RNF38: variants seen among roughly 807,000 people sequenced by gnomAD.
RNF38 encodes the protein ring finger protein 38.
Under a neutral mutation model 67.2 loss-of-function variants are expected in RNF38, and 15 were observed. That is an observed-to-expected ratio of 0.22 (90% confidence interval 0.15 to 0.34). RNF38 has a LOEUF of 0.34. RNF38 is among the 10% of genes least tolerant of loss of function. The pLI is 1.00. For synonymous variants in RNF38, 220 were observed against 218.8 expected, an observed-to-expected ratio of 1.01 and a Z score of -0.05; for missense variants, 524 against 639.9, an observed-to-expected ratio of 0.82 and a Z score of 1.95.
intron 2 of RNF38, among the ~76,000 whole-genome samples, chr9:36,387,639 G>A (rs754757703): frequency 5.9e-5 from 9 of 152,108 alleles, no homozygotes; most frequent in African/African-American, 1.2e-4. Flanking sequence ...TAAATTTTAT[G>A]TTAAGTATAC....
At chr9:36,451,028 A>T (rs1839425228) in intron 1 of RNF38, among the ~76,000 whole-genome samples, 1 of 152,258 alleles carries the variant, frequency 6.6e-6, no homozygotes, top group Non-Finnish European at 1.5e-5. Flanking sequence ...CTTAAATACG[A>T]CTGAACCTCT....
At chr9:36,417,434 G>A (rs145405961) in intron 2 of RNF38, among the ~76,000 whole-genome samples, 1 of 152,068 alleles carries the variant, frequency 6.6e-6, no homozygotes, top group Non-Finnish European at 1.5e-5. Flanking sequence ...TCTAACAGTA[G>A]GTTAACTTTT....
At chr9:36,400,491 C>T, upstream of RNF38, 1 of 1,007,596 alleles carries the variant, frequency 9.9e-7, no homozygotes, top group Non-Finnish European at 1.2e-6. Context: ...GCCCCGCAGG[C>T]TCTCAACGGC....
intron 10 of RNF38, 38 bp from the exon 11 acceptor site, chr9:36,342,462 G>A: frequency 7.7e-7 from 1 of 1,295,948 alleles, no homozygotes; most frequent in Non-Finnish European, 1.1e-6. Flanking sequence ...CACAAAACCA[G>A]ATGGTTTTCT....
intron 3 of RNF38, among the ~76,000 whole-genome samples, chr9:36,374,212 A>G (rs1281956445): frequency 6.6e-6 from 1 of 152,228 alleles, no homozygotes; most frequent in Non-Finnish European, 1.5e-5. Flanking sequence ...TCTCAACAGA[A>G]TAGAGCTCAG....
chr9:36,439,698 G>C (rs951707140), intron 1 of RNF38, among the ~76,000 whole-genome samples: 2 of 149,216 alleles, frequency 1.3e-5, no homozygotes, highest in Non-Finnish European at 3.0e-5. Flanking sequence ...CCAGCTACTA[G>C]AGAAATCGCT....
chr9:36,482,048 C>CTT lies in RNF38; in HGVS notation n.241+5258_241+5259dup, dbSNP rs767211095. 6.1e-3 allele frequency among the ~76,000 whole-genome samples: 731 copies of CTT among 119,210 alleles called. 9 individuals are homozygous for CTT. Among genetic ancestry groups the CTT allele is most frequent in the African/African-American group, 0.015 (486 of 31,786 alleles). 78.2% of individuals were successfully genotyped at this position (119,210 alleles called of 152,430 possible). ...TCCTCCATTTACCAGATACTTTTGT[C>CTT]TTTTTTTTTTTTTTTTTTTTTTGAG... On this transcript the variant is annotated intron_variant and non_coding_transcript_variant, in intron 1 of 3. Coordinates refer to the RNF38 transcript ENST00000488058.
intron 5 of RNF38, 40 bp from the exon 6 acceptor site, chr9:36,356,513 A>C (rs1834117077): frequency 6.8e-7 from 1 of 1,476,460 alleles, no homozygotes; most frequent in Non-Finnish European, 9.1e-7. Context: ...AAAATATCAG[A>C]ATATATGATT....
intron 2 of RNF38, among the ~76,000 whole-genome samples, chr9:36,411,529 A>G (rs898130709): frequency 6.6e-6 from 1 of 152,204 alleles, no homozygotes; most frequent in African/African-American, 2.4e-5. Flanking sequence ...GTATTTATCA[A>G]TGATGAATAA....
intron 1 of RNF38, among the ~76,000 whole-genome samples, chr9:36,476,839 G>A (rs936568583): frequency 7.2e-5 from 11 of 151,982 alleles, no homozygotes; most frequent in South Asian, 2.1e-4. Context: ...TTATGCTGGC[G>A]GGTAAGAATA....
intron 4 of RNF38, among the ~76,000 whole-genome samples, chr9:36,365,662 G>GTTTTTTTTTTTTTTTTTT (rs759974775): frequency 9.7e-6 from 1 of 103,600 alleles, no homozygotes; most frequent in African/African-American, 3.9e-5. Flanking sequence ...AAGACTGATA[G>GTTTTTTTTTTTTTTTTTT]TTTTTTTTTT....
intron 10 of RNF38, 149 bp downstream of exon 10, chr9:36,344,682 CT>C: frequency 1.5e-6 from 1 of 667,362 alleles, no homozygotes; most frequent in Non-Finnish European, 2.5e-6. Flanking sequence ...ATAAAGATAA[CT>C]TATCTTTATC....
intron 3 of RNF38, among the ~76,000 whole-genome samples, chr9:36,370,382 AGTTCCTATG>A (rs1252630300): frequency 6.6e-6 from 1 of 152,178 alleles, no homozygotes; most frequent in Non-Finnish European, 1.5e-5. Context: ...CATAAGACAT[AGTTCCTATG>A]TGGCCAAAAT....
At chr9:36,345,737 G>A (rs961311599) in intron 9 of RNF38, among the ~76,000 whole-genome samples, 1 of 152,062 alleles carries the variant, frequency 6.6e-6, no homozygotes, top group South Asian at 2.1e-4. Context: ...AAAGTAGTTT[G>A]TTCAAATAAG....
chr9:36,459,206 CAAA>C (rs796647730), intron 1 of RNF38, among the ~76,000 whole-genome samples: 1 of 87,052 alleles, frequency 1.1e-5, no homozygotes, highest in Non-Finnish European at 2.4e-5. Context: ...GACTCTGTCT[CAAA>C]AAAAAAAAAA....
intron 1 of RNF38, among the ~76,000 whole-genome samples, chr9:36,461,416 T>C (rs185194293): frequency 4.6e-4 from 70 of 152,206 alleles, no homozygotes; most frequent in Non-Finnish European, 8.5e-4. Flanking sequence ...GAGAAGGAGC[T>C]GAGTACTCAA....
intron 1 of RNF38, among the ~76,000 whole-genome samples, chr9:36,427,137 C>T (rs1489479388): frequency 6.6e-6 from 1 of 152,212 alleles, no homozygotes; most frequent in Non-Finnish European, 1.5e-5. Flanking sequence ...ACATAATAGG[C>T]TCCCTAATTT....
intron 2 of RNF38, among the ~76,000 whole-genome samples, chr9:36,387,820 C>T (rs1174656504): frequency 2.6e-5 from 4 of 151,434 alleles, no homozygotes; most frequent in African/African-American, 9.7e-5. Flanking sequence ...AAATGTGCAC[C>T]GGGAAGCACA....
At chr9:36,439,421 T>C (rs1177037232) in intron 1 of RNF38, among the ~76,000 whole-genome samples, 1 of 152,216 alleles carries the variant, frequency 6.6e-6, no homozygotes, top group Admixed American at 6.5e-5. Context: ...GTGACACCTA[T>C]GATACAAGGT....
Sources: gnomAD v4.1 joint callset for allele counts (sites outside exome capture counted in the v4.1 genomes callset) on GRCh38, gnomAD v4.1.1 for gene constraint, MANE v1.5 for transcripts, NCBI Gene and HGNC (gene_info 2026-07-23, HGNC 2026-07-21) for gene names.